RGPD8: variants seen among roughly 807,000 people sequenced by gnomAD.
RGPD8 encodes RANBP2 like and GRIP domain containing 8.
RGPD8 carries 15 observed loss-of-function variants against 89.1 expected under a neutral mutation model. That is an observed-to-expected ratio of 0.17 (90% CI 0.11 to 0.26). The LOEUF is 0.26. Among genes scored for constraint, RGPD8 ranks in the 10% least tolerant of loss-of-function variants. The probability of loss-of-function intolerance (pLI) is 1.00; values close to 1 mark genes in which losing one functional copy is unlikely to be tolerated. For synonymous variants in RGPD8, 62 were observed against 420.9 expected (o/e 0.15, Z 10.44); for missense variants, 178 against 1,179.6 (o/e 0.15, Z 12.44).
intron 6 of RGPD8, among the ~76,000 whole-genome samples, chr2:112,415,283 G>C (rs1679346762): frequency 6.6e-6 from 1 of 152,292 alleles, no homozygotes; most frequent in Admixed American, 6.5e-5. Flanking sequence ...TACTCAGGAG[G>C]CTGAGGCAGA....
intron 7 of RGPD8, among the ~76,000 whole-genome samples, chr2:112,411,570 CAA>C (rs1190383425): frequency 1.3e-3 from 2 of 1,588 alleles, no homozygotes; most frequent in African/African-American, 8.4e-3. Flanking sequence ...GACTGCGTCT[CAA>C]AAAAAAAAAA....
At chr2:112,426,888 C>T (rs1484998913) in intron 1 of RGPD8, among the ~76,000 whole-genome samples, 2 of 146,538 alleles carry the variant, frequency 1.4e-5, no homozygotes, top group African/African-American at 2.5e-5. Flanking sequence ...TGCGGTGGCT[C>T]GATCTCAGCT....
intron 1 of RGPD8, chr2:112,432,495 C>G: frequency 1.0e-6 from 1 of 985,370 alleles, no homozygotes; most frequent in Non-Finnish European, 1.2e-6. Context: ...TTTGTGCCAT[C>G]GGGCCATTGC....
intron 7 of RGPD8, among the ~76,000 whole-genome samples, chr2:112,411,080 G>A (rs1481503988): frequency 8.5e-5 from 13 of 152,324 alleles, no homozygotes; most frequent in East Asian, 1.9e-4. Flanking sequence ...GCAAAACTCC[G>A]TCTCAAAAAG....
At chr2:112,381,980 T>C (rs1266730122) in intron 20 of RGPD8, among the ~76,000 whole-genome samples, 1 of 152,304 alleles carries the variant, frequency 6.6e-6, no homozygotes, top group Non-Finnish European at 1.5e-5. Flanking sequence ...GGGATTAACA[T>C]TTGAGTCAGT....
intron 1 of RGPD8, among the ~76,000 whole-genome samples, chr2:112,430,091 G>A (rs1271232047): frequency 6.6e-6 from 1 of 152,172 alleles, no homozygotes; most frequent in Non-Finnish European, 1.5e-5. Context: ...AAGCACATGT[G>A]AGGGAGTAGA....
intron 20 of RGPD8, among the ~76,000 whole-genome samples, chr2:112,382,730 CA>C (rs1678362622): frequency 7.0e-6 from 1 of 141,998 alleles, no homozygotes; most frequent in African/African-American, 2.6e-5. Flanking sequence ...ATGAAAATAT[CA>C]AATGATAAGA....
chr2:112,410,573 C>T (rs1347408678), intron 7 of RGPD8, among the ~76,000 whole-genome samples: 3 of 151,230 alleles, frequency 2.0e-5, no homozygotes, highest in Non-Finnish European at 4.4e-5. Flanking sequence ...GTCAGAAGAT[C>T]GAGACCATCC....
At chr2:112,432,372 C>T (rs34663792) in intron 1 of RGPD8, among the ~76,000 whole-genome samples, 12,165 of 150,992 alleles carry the variant, frequency 0.081, 606 homozygotes, top group Middle Eastern at 0.11. Flanking sequence ...CAAAGTGTTC[C>T]GGGCGGGGAG....
chr2:112,371,068 T>G (rs1173885107), intron 22 of RGPD8, among the ~76,000 whole-genome samples: 555 of 151,478 alleles, frequency 3.7e-3, no homozygotes, highest in African/African-American at 0.013. Flanking sequence ...AAAAAAATTC[T>G]TTTAAAACAG....
chr2:112,431,533 C>T (rs528105848), intron 1 of RGPD8, among the ~76,000 whole-genome samples: 1 of 152,188 alleles, frequency 6.6e-6, no homozygotes, highest in Admixed American at 6.5e-5. Context: ...CTACAGGTCT[C>T]AATATCCACA....
rs1368083455 is a variant in RGPD8 at position 112,413,617 on chromosome 2, G to A, written c.783-991C>T. The stretch of plus-strand genomic sequence containing the variant: ...AGGGTGCTCAAAAACCCCTTCAGGG[G>A]ATCCATGAAGTTAAAATTACTTTTA... On this transcript the variant is annotated intron_variant, in intron 6 of 22. Transcript: ENST00000302558. 3.7e-5 allele frequency among the ~76,000 whole-genome samples: 5 copies of A among 135,660 alleles called. 1 individual carries two copies. The highest frequency in any genetic ancestry group is 9.0e-5 in the African/African-American group (3 of 33,322). The allele number at this position is 135,660 out of a possible 152,430, so 89.0% of individuals were successfully genotyped here.
intron 3 of RGPD8, 127 bp downstream of exon 3, chr2:112,422,421 T>G (rs1679593237): frequency 1.4e-6 from 2 of 1,394,886 alleles, no homozygotes. Context: ...CTGTGTCACA[T>G]AATTGTACTA....
intron 6 of RGPD8, among the ~76,000 whole-genome samples, chr2:112,416,088 C>CAAAAAAAAAAAAAA (rs1168507298): frequency 3.3e-4 from 29 of 88,898 alleles, no homozygotes; most frequent in Middle Eastern, 0.011. Flanking sequence ...GACTCCATCT[C>CAAAAAAAAAAAAAA]AAAAAAAAAA....
rs565759646 is a variant in RGPD8 at position 112,371,953 on chromosome 2, C to T, written c.5264-1741G>A. ...TCTGCGTGTTATTTACAATCTGCTG[C>T]GTAACAAATTACTACAAACTTAGTA... On this transcript the variant is annotated intron_variant, in intron 22 of 22. Transcript: ENST00000302558. Among the ~76,000 whole-genome samples, 311 of 147,448 alleles carry T rather than the reference C, an allele frequency of 2.1e-3. 4 individuals are homozygous for T. Among genetic ancestry groups the T allele is most frequent in the Middle Eastern group, 0.011 (3 of 284 alleles).
At chr2:112,424,763 T>C (rs1679696955) in intron 1 of RGPD8, among the ~76,000 whole-genome samples, 1 of 150,010 alleles carries the variant, frequency 6.7e-6, no homozygotes, top group Admixed American at 6.6e-5. Flanking sequence ...ATCATCATCA[T>C]CATCATAAAT....
intron 20 of RGPD8, among the ~76,000 whole-genome samples, chr2:112,385,756 GTATT>G (rs1284095965): frequency 3.0e-5 from 4 of 133,842 alleles, no homozygotes; most frequent in African/African-American, 2.7e-5. Context: ...ATTTATTTAT[GTATT>G]TATTTGAGAT....
intron 1 of RGPD8, among the ~76,000 whole-genome samples, chr2:112,429,658 T>TA (rs1315011892): frequency 1.3e-5 from 2 of 151,838 alleles, no homozygotes; most frequent in East Asian, 3.9e-4. Flanking sequence ...GACCCTATTC[T>TA]AAAAAACAAA....
Position 112,432,881 on chromosome 2 carries a change from G to C in RGPD8, c.72+501C>G, listed in dbSNP as rs935295457. Among the ~76,000 whole-genome samples the C allele has an allele frequency of 5.9e-5, 9 of 152,224 alleles. 2 individuals are homozygous for C. Among genetic ancestry groups the C allele is most frequent in the African/African-American group, 2.2e-4 (9 of 41,470 alleles). ...CGCCGCCCACAGGACTGCGCTAGCC[G>C]GCCTCCGCCTCAACAGAGCGCGCCA... On this transcript the variant is annotated intron_variant, in intron 1 of 22. Coordinates refer to ENST00000302558, the MANE Select transcript of RGPD8 (RefSeq NM_001164463.1).
Sources: allele counts gnomAD v4.1 joint callset (sites outside exome capture counted in the v4.1 genomes callset), GRCh38; gene constraint gnomAD v4.1.1; transcripts MANE v1.5; gene names NCBI Gene and HGNC (gene_info 2026-07-23, HGNC 2026-07-21).